AGTPBP1: variants seen among roughly 807,000 people sequenced by gnomAD.
The protein encoded by AGTPBP1 is ATP/GTP binding carboxypeptidase 1.
A neutral mutation model predicts 143.9 loss-of-function variants in AGTPBP1; 70 were observed. The observed-to-expected ratio is 0.49, with a 90% CI of 0.40 to 0.59. The LOEUF (loss-of-function observed/expected upper bound fraction) is 0.59. Among genes scored for constraint, AGTPBP1 ranks in the 20% least tolerant of loss-of-function variants. The probability of loss-of-function intolerance (pLI) is 0.00; values close to 1 mark genes in which losing one functional copy is unlikely to be tolerated. For missense variants in AGTPBP1, 1,229 were observed against 1,464.5 expected (o/e 0.84, Z 2.62); for synonymous variants, 463 against 500.2 (o/e 0.93, Z 0.99).
intron 1 of AGTPBP1, among the ~76,000 whole-genome samples, chr9:85,732,040 T>G (rs1393637518): frequency 2.0e-5 from 3 of 152,170 alleles, no homozygotes; most frequent in Non-Finnish European, 2.9e-5. Flanking sequence ...CTCATTACCC[T>G]TCAACTATTA....
chr9:85,758,101 T>C, the AGTPBP1 span, among the ~76,000 whole-genome samples: 1 of 151,682 alleles, frequency 6.6e-6, no homozygotes, highest in Admixed American at 6.6e-5. Flanking sequence ...GGCCCACATA[T>C]ATGCTGTTAC....
chr9:85,619,715 A>T (rs1830802546), intron 15 of AGTPBP1, among the ~76,000 whole-genome samples: 1 of 152,248 alleles, frequency 6.6e-6, no homozygotes, highest in Non-Finnish European at 1.5e-5. Context: ...TTTAATTAGC[A>T]TCAAGAAGCA....
At chr9:85,652,936 G>T (rs1215809402) in intron 11 of AGTPBP1, among the ~76,000 whole-genome samples, 1 of 152,174 alleles carries the variant, frequency 6.6e-6, no homozygotes, top group African/African-American at 2.4e-5. Context: ...AGAACACCCA[G>T]CTAGTGTCTG....
At chr9:85,678,606 T>C (rs759637949) in intron 4 of AGTPBP1, among the ~76,000 whole-genome samples, 3 of 152,214 alleles carry the variant, frequency 2.0e-5, no homozygotes, top group Non-Finnish European at 2.9e-5. Flanking sequence ...ACTTGTGAAA[T>C]ATCAACATTA....
chr9:85,755,459 T>C, the AGTPBP1 span, among the ~76,000 whole-genome samples: 1 of 152,206 alleles, frequency 6.6e-6, no homozygotes, highest in Non-Finnish European at 1.5e-5. Flanking sequence ...TTTTTTAAAA[T>C]AATTATTTGA....
At chr9:85,741,413 G>A in intron 1 of AGTPBP1, 1 of 985,260 alleles carries the variant, frequency 1.0e-6, no homozygotes, top group Non-Finnish European at 1.2e-6. Context: ...TGGACTCCCC[G>A]CGGCGCCGCG....
chr9:85,786,215 A>G, the AGTPBP1 span: 3 of 1,597,406 alleles, frequency 1.9e-6, no homozygotes, highest in Non-Finnish European at 2.6e-6. Context: ...AGAGAAATGG[A>G]CAGTTCAGCA....
At chr9:85,677,144 A>C (rs917760644) in intron 6 of AGTPBP1, among the ~76,000 whole-genome samples, 26 of 152,160 alleles carry the variant, frequency 1.7e-4, no homozygotes, top group African/African-American at 6.0e-4. Flanking sequence ...TATAGCTAAT[A>C]ATAATTTATT....
At chr9:85,733,144 A>G (rs935617920) in intron 1 of AGTPBP1, among the ~76,000 whole-genome samples, 4 of 152,214 alleles carry the variant, frequency 2.6e-5, no homozygotes, top group Non-Finnish European at 5.9e-5. Context: ...TCTAACATAT[A>G]TTTAGAACAA....
intron 1 of AGTPBP1, among the ~76,000 whole-genome samples, chr9:85,718,426 C>T (rs1163439571): frequency 6.6e-6 from 1 of 152,088 alleles, no homozygotes; most frequent in Admixed American, 6.6e-5. Flanking sequence ...CCAGTGATAA[C>T]GAGCATTTTT....
chr9:85,609,174 A>G (rs1046881510), intron 17 of AGTPBP1, among the ~76,000 whole-genome samples: 1 of 152,200 alleles, frequency 6.6e-6, no homozygotes, highest in African/African-American at 2.4e-5. Context: ...AACCACTACA[A>G]ATGTGAATTA....
At chr9:85,611,728 T>G (rs960952872) in intron 17 of AGTPBP1, among the ~76,000 whole-genome samples, 4 of 152,230 alleles carry the variant, frequency 2.6e-5, no homozygotes, top group African/African-American at 7.2e-5. Flanking sequence ...TCACCCAGGC[T>G]GGAGTGCAAT....
At chr9:85,590,126 A>G (rs1297317683) in intron 19 of AGTPBP1, among the ~76,000 whole-genome samples, 1 of 152,158 alleles carries the variant, frequency 6.6e-6, no homozygotes, top group African/African-American at 2.4e-5. Context: ...ATTATATAGC[A>G]CAATTTTAAC....
At chr9:85,647,733 T>C (rs1412675275) in intron 11 of AGTPBP1, among the ~76,000 whole-genome samples, 2 of 152,156 alleles carry the variant, frequency 1.3e-5, no homozygotes, top group African/African-American at 4.8e-5. Context: ...GTGAATGTAA[T>C]GGTGGGTGAG....
intron 25 of AGTPBP1, among the ~76,000 whole-genome samples, chr9:85,573,956 C>G (rs1460782105): frequency 6.6e-6 from 1 of 152,136 alleles, no homozygotes; most frequent in Non-Finnish European, 1.5e-5. Context: ...GGCCACCACC[C>G]CGTCTGGGAG....
At chr9:85,786,544 C>T in the AGTPBP1 span, 285 of 1,613,780 alleles carry the variant, frequency 1.8e-4, no homozygotes, top group Non-Finnish European at 2.2e-4. Context: ...CTGATTCCAT[C>T]GAAGTATCTA....
chr9:85,628,703 TTTG>T (rs1037358206), intron 14 of AGTPBP1, among the ~76,000 whole-genome samples: 10 of 152,052 alleles, frequency 6.6e-5, no homozygotes, highest in African/African-American at 2.4e-4. Context: ...GTTGGTTGTT[TTTG>T]TTTTTTTGTT....
intron 4 of AGTPBP1, among the ~76,000 whole-genome samples, chr9:85,679,830 C>T (rs549313076): frequency 1.3e-5 from 2 of 152,212 alleles, no homozygotes; most frequent in East Asian, 1.9e-4. Context: ...TTGAATCTAT[C>T]AATCTTTTAT....
chr9:85,630,378 A>C (rs1227642122), intron 14 of AGTPBP1, among the ~76,000 whole-genome samples: 1 of 151,300 alleles, frequency 6.6e-6, no homozygotes, highest in Non-Finnish European at 1.5e-5. Flanking sequence ...GGATTGACTT[A>C]CTTACTTACT....
Sources: allele counts gnomAD v4.1 joint callset (sites outside exome capture counted in the v4.1 genomes callset), GRCh38; gene constraint gnomAD v4.1.1; transcripts MANE v1.5; gene names NCBI Gene and HGNC (gene_info 2026-07-23, HGNC 2026-07-21).